Variants in CDH12 observed in about 807,000 individuals in gnomAD.
The protein encoded by CDH12 is cadherin-12.
In CDH12, 41 loss-of-function variants were observed where a neutral mutation model predicts 74.1. The observed-to-expected ratio is 0.55, with a 90% CI of 0.43 to 0.72. The LOEUF is 0.72. Among genes scored for constraint, CDH12 ranks in the 30% least tolerant of loss-of-function variants. The probability of loss-of-function intolerance (pLI) is 0.00; values close to 1 mark genes in which losing one functional copy is unlikely to be tolerated. For synonymous variants in CDH12, 399 were observed against 355.0 expected, an observed-to-expected ratio of 1.12 and a Z score of -1.39; for missense variants, 945 against 977.2, an observed-to-expected ratio of 0.97 and a Z score of 0.44.
intron 4 of CDH12, among the ~76,000 whole-genome samples, chr5:22,087,111 G>T (rs1441481557): frequency 6.6e-6 from 1 of 152,166 alleles, no homozygotes. Context: ...AAATGCAATG[G>T]AGGGGATCCT....
Position 22,444,445 on chromosome 5 carries a change from G to A in CDH12, c.-427-39094C>T, listed in dbSNP as rs1247630345. On this transcript the variant is annotated intron_variant, in intron 2 of 14. Transcript: ENST00000382254. ...ATCAAAACTTTATCCTCCTAACTGG[G>A]ATGAAATGATATGAAAAGGCAACTT... Among the ~76,000 whole-genome samples the A allele has an allele frequency of 2.6e-5, 4 of 151,808 alleles. No individual in the cohort carries two copies. The East Asian group carries it at 7.7e-4, about 29-fold the overall frequency.
At chr5:22,327,604 G>T (rs1187584891) in intron 3 of CDH12, among the ~76,000 whole-genome samples, 2 of 152,050 alleles carry the variant, frequency 1.3e-5, no homozygotes, top group Non-Finnish European at 2.9e-5. Context: ...CTTTTGGAGG[G>T]TCATAGAGCG....
At chr5:22,640,713 A>G (rs1739102640) in intron 1 of CDH12, among the ~76,000 whole-genome samples, 1 of 152,066 alleles carries the variant, frequency 6.6e-6, no homozygotes, top group African/African-American at 2.4e-5. Flanking sequence ...CTTTTCCTTT[A>G]CCTTACAAAC....
chr5:22,324,185 T>C (rs528700701), intron 3 of CDH12, among the ~76,000 whole-genome samples: 2 of 152,202 alleles, frequency 1.3e-5, no homozygotes, highest in South Asian at 4.1e-4. Flanking sequence ...AAACTGTAGG[T>C]CATAAAGATT....
intron 3 of CDH12, among the ~76,000 whole-genome samples, chr5:22,228,417 T>C (rs1056258543): frequency 1.3e-5 from 2 of 152,088 alleles, no homozygotes; most frequent in African/African-American, 4.8e-5. Flanking sequence ...CTTTGCATAA[T>C]TTTTTTGTAA....
intron 3 of CDH12, among the ~76,000 whole-genome samples, chr5:22,327,824 T>A (rs1028953142): frequency 6.6e-6 from 1 of 152,182 alleles, no homozygotes; most frequent in African/African-American, 2.4e-5. Context: ...TAAACAAAAT[T>A]ACCTTGTCCT....
At position 21,751,755 on chromosome 5, in the gene CDH12, G is replaced by A; in HGVS notation, c.2367C>T (p.Asn789=). ...GACTCCCTTAAGTGACTTTATCAGG[G>A]TTATAACTCTCTTCTTCGCCAAACA... is the stretch of plus-strand genomic sequence containing the variant. ...ADMFGEEESY[N]PDKVT Residue 789 remains asparagine, a synonymous_variant, in exon 15 of 15, where the codon AAC becomes AAT. Coordinates refer to ENST00000382254, the MANE Select transcript of CDH12 (RefSeq NM_004061.5). 1 of 1,613,550 alleles carries A rather than the reference G, an allele frequency of 6.2e-7. No homozygotes were observed. The highest frequency in any genetic ancestry group is 8.5e-7 in the Non-Finnish European group (1 of 1,179,806).
rs4530729 is a variant in CDH12, at chr5:22,013,921, G to C, written c.232-38536C>G. 4.4e-3 allele frequency among the ~76,000 whole-genome samples: 663 copies of C among 152,208 alleles called. 14 individuals carry two copies. The East Asian group carries it at 0.054, about 12-fold the overall frequency. On this transcript the variant is annotated intron_variant, in intron 5 of 14. Coordinates refer to ENST00000382254, the MANE Select transcript of CDH12 (RefSeq NM_004061.5). ...GATTCTACATCTTGAGTGAGAAATTGCCTTATAAAAATGAACAAATAGAGG... is the reference window on the plus strand; with the variant it reads ...GATTCTACATCTTGAGTGAGAAATTCCCTTATAAAAATGAACAAATAGAGG...
chr5:22,225,678 G>A (rs1171352078), intron 3 of CDH12, among the ~76,000 whole-genome samples: 1 of 152,058 alleles, frequency 6.6e-6, no homozygotes, highest in Non-Finnish European at 1.5e-5. Context: ...TATGTGAATT[G>A]CAGTGATCTT....
At chr5:21,865,810 C>T (rs1180112692) in intron 6 of CDH12, among the ~76,000 whole-genome samples, 1 of 152,242 alleles carries the variant, frequency 6.6e-6, no homozygotes, top group East Asian at 1.9e-4. Flanking sequence ...CAAACTCACC[C>T]CAGACAGCCC....
intron 1 of CDH12, among the ~76,000 whole-genome samples, chr5:22,633,675 G>A (rs1738693027): frequency 6.6e-6 from 1 of 152,122 alleles, no homozygotes; most frequent in African/African-American, 2.4e-5. Flanking sequence ...ATCTTCTCCT[G>A]CTCTGAGAAC....
chr5:22,592,931 G>A (rs1437522587), intron 1 of CDH12, among the ~76,000 whole-genome samples: 2 of 150,984 alleles, frequency 1.3e-5, no homozygotes, highest in Non-Finnish European at 2.9e-5. Context: ...TAGGGAGGCA[G>A]AGGTAGGAGA....
chr5:22,156,849 G>T (rs71216012), intron 4 of CDH12, among the ~76,000 whole-genome samples: 1 of 152,066 alleles, frequency 6.6e-6, no homozygotes, highest in Non-Finnish European at 1.5e-5. Flanking sequence ...GTGTTAATGC[G>T]TATTGATTAA....
intron 9 of CDH12, among the ~76,000 whole-genome samples, chr5:21,814,142 A>T (rs1284277558): frequency 6.9e-6 from 1 of 145,508 alleles, no homozygotes; most frequent in African/African-American, 2.5e-5. Flanking sequence ...AGGAGAAATG[A>T]GTGTGTGTGT....
At chr5:22,532,880 C>T (rs1284200374) in intron 1 of CDH12, among the ~76,000 whole-genome samples, 1 of 151,610 alleles carries the variant, frequency 6.6e-6, no homozygotes, top group Non-Finnish European at 1.5e-5. Context: ...CTATCTTCTG[C>T]ATAACAAAAT....
chr5:22,549,934 G>A (rs1738497519), intron 1 of CDH12, among the ~76,000 whole-genome samples: 1 of 152,098 alleles, frequency 6.6e-6, no homozygotes, highest in Non-Finnish European at 1.5e-5. Context: ...CTAGTTTGTT[G>A]TTTCATTCAG....
chr5:22,529,188 T>TATATAG (rs1395904979), intron 1 of CDH12, among the ~76,000 whole-genome samples: 6 of 84,536 alleles, frequency 7.1e-5, no homozygotes, highest in South Asian at 4.2e-4. Flanking sequence ...TATATATATA[T>TATATAG]AGAGAGAGAG....
intron 3 of CDH12, among the ~76,000 whole-genome samples, chr5:22,384,717 T>C (rs1189137712): frequency 6.6e-6 from 1 of 152,108 alleles, no homozygotes; most frequent in Admixed American, 6.5e-5. Context: ...AGTATAGATG[T>C]GTATGTATGT....
intron 6 of CDH12, among the ~76,000 whole-genome samples, chr5:21,921,343 C>T (rs971651374): frequency 6.6e-6 from 1 of 152,136 alleles, no homozygotes; most frequent in Admixed American, 6.5e-5. Context: ...AAGGATGGTC[C>T]TGCATCTTCT....
Sources: allele counts gnomAD v4.1 joint callset (sites outside exome capture counted in the v4.1 genomes callset), GRCh38; gene constraint gnomAD v4.1.1; transcripts MANE v1.5; gene names NCBI Gene and HGNC (gene_info 2026-07-23, HGNC 2026-07-21).